Variants in KIF6 observed in about 807,000 individuals in gnomAD.
The protein encoded by KIF6 is kinesin-like protein KIF6.
KIF6 carries 106 observed loss-of-function variants against 112.7 expected under a neutral mutation model. The observed-to-expected ratio is 0.94, with a 90% CI of 0.80 to 1.11. The LOEUF (loss-of-function observed/expected upper bound fraction) is 1.11. Among genes scored for constraint, KIF6 ranks in the 50% least tolerant of loss-of-function variants. The pLI is 0.00. For synonymous variants in KIF6, 339 were observed against 339.9 expected (o/e 1.00, Z 0.03); for missense variants, 929 against 964.0 (o/e 0.96, Z 0.48).
At chr6:39,428,493 T>TC (rs1379201093) in intron 14 of KIF6, among the ~76,000 whole-genome samples, 1 of 152,210 alleles carries the variant, frequency 6.6e-6, no homozygotes, top group East Asian at 1.9e-4. Context: ...TGTGCATATG[T>TC]CCCCCTTTCT....
intron 3 of KIF6, among the ~76,000 whole-genome samples, chr6:39,651,487 A>T (rs553088580): frequency 6.6e-6 from 1 of 152,186 alleles, no homozygotes; most frequent in Non-Finnish European, 1.5e-5. Flanking sequence ...CGTTTCCCTA[A>T]CTCCTATAAT....
chr6:39,571,404 T>C (rs1001393777), intron 10 of KIF6, among the ~76,000 whole-genome samples: 2 of 152,198 alleles, frequency 1.3e-5, no homozygotes, highest in African/African-American at 4.8e-5. Context: ...CATAAATTCT[T>C]TCATGGTCAC....
intron 13 of KIF6, among the ~76,000 whole-genome samples, chr6:39,480,241 T>C (rs1258084467): frequency 6.6e-6 from 1 of 152,150 alleles, no homozygotes; most frequent in African/African-American, 2.4e-5. Context: ...TGCTGATTTT[T>C]CTAAGGGTTT....
intron 13 of KIF6, among the ~76,000 whole-genome samples, chr6:39,455,399 A>G (rs1222760813): frequency 2.0e-5 from 3 of 151,910 alleles, no homozygotes; most frequent in African/African-American, 7.2e-5. Context: ...CCAAAAGTAG[A>G]TAAAACCACA....
rs1762725015 is a variant in KIF6, at chr6:39,331,233, T to C, written c.*5299A>G. On this transcript the variant is annotated 3_prime_UTR_variant, in exon 23 of 23. Coordinates refer to ENST00000287152, the MANE Select transcript of KIF6 (RefSeq NM_145027.6). ...TCCAGGCTGGAGTGCAGTGGTGTGA[T>C]CACAGCTCACTGCAGCCTTAACCTC... is the stretch of plus-strand genomic sequence containing the variant. 2.0e-5 allele frequency: 3 copies of C among 152,396 alleles called. No individual in the cohort carries two copies. The highest frequency in any genetic ancestry group is 2.0e-4 in the Admixed American group (3 of 15,272). 9.4% of individuals were successfully genotyped at this position (152,396 alleles called of 1,614,324 possible).
intron 3 of KIF6, among the ~76,000 whole-genome samples, chr6:39,648,461 T>C (rs1785294241): frequency 6.6e-6 from 1 of 152,182 alleles, no homozygotes; most frequent in Non-Finnish European, 1.5e-5. Context: ...AAGAGAATCA[T>C]AATTATTGCA....
intron 6 of KIF6, among the ~76,000 whole-genome samples, chr6:39,611,233 G>A (rs1474805088): frequency 4.6e-5 from 7 of 152,100 alleles, no homozygotes; most frequent in South Asian, 4.1e-4. Context: ...GCTTGAACCC[G>A]GGAGATGGAG....
At chr6:39,439,742 C>T (rs369888710) in intron 13 of KIF6, among the ~76,000 whole-genome samples, 7 of 151,860 alleles carry the variant, frequency 4.6e-5, no homozygotes, top group African/African-American at 1.7e-4. Context: ...ATTTTGCTAA[C>T]GAATACAACT....
intron 1 of KIF6, among the ~76,000 whole-genome samples, chr6:39,723,934 A>G (rs951988053): frequency 6.6e-6 from 1 of 152,174 alleles, no homozygotes; most frequent in Non-Finnish European, 1.5e-5. Context: ...AAAAAAAATT[A>G]CAGCTATGCC....
chr6:39,564,346 T>G lies in KIF6; in HGVS notation c.1181+13710A>C, dbSNP rs112750528. ...ACACAGAGGGAACCACTGGGGAAAT[T>G]GGGTTTGAAGGATGGGAATGAGAAT... On this transcript the variant is annotated intron_variant, in intron 10 of 22. Coordinates refer to ENST00000287152, the MANE Select transcript of KIF6 (RefSeq NM_145027.6). Among the ~76,000 whole-genome samples the G allele has an allele frequency of 2.6e-3, 397 of 152,234 alleles. 1 individual carries two copies. Among genetic ancestry groups the G allele is most frequent in the African/African-American group, 8.3e-3 (346 of 41,552 alleles).
chr6:39,446,396 G>A (rs1772316233), intron 13 of KIF6, among the ~76,000 whole-genome samples: 1 of 152,196 alleles, frequency 6.6e-6, no homozygotes, highest in Admixed American at 6.5e-5. Flanking sequence ...TTAGCTCCAA[G>A]CTCACTGCCT....
chr6:39,586,250 A>T lies in KIF6; in HGVS notation c.990+11T>A. ...CTAGATTAAGATCTCCAGAAAGAAG[A>T]GCCCACATACATCAAGATTCCTTTT... On this transcript the variant is annotated intron_variant, in intron 8 of 22. Coordinates refer to ENST00000287152, the MANE Select transcript of KIF6 (RefSeq NM_145027.6). 1 of 1,613,884 alleles carries T rather than the reference A, an allele frequency of 6.2e-7. No homozygotes were observed. The highest frequency in any genetic ancestry group is 8.5e-7 in the Non-Finnish European group (1 of 1,179,890).
intron 15 of KIF6, among the ~76,000 whole-genome samples, chr6:39,408,709 T>C (rs1349838310): frequency 6.6e-6 from 1 of 152,158 alleles, no homozygotes; most frequent in Non-Finnish European, 1.5e-5. Context: ...TGAAAGTGGC[T>C]ACTCTCCTCT....
intron 13 of KIF6, among the ~76,000 whole-genome samples, chr6:39,480,226 T>G (rs761375239): frequency 6.6e-6 from 1 of 152,168 alleles, no homozygotes; most frequent in Non-Finnish European, 1.5e-5. Context: ...GGCATGTCCC[T>G]TGTATGCTGA....
chr6:39,668,466 A>C (rs1269931843), intron 3 of KIF6, among the ~76,000 whole-genome samples: 1 of 152,196 alleles, frequency 6.6e-6, no homozygotes, highest in African/African-American at 2.4e-5. Context: ...AAGAGCCCTT[A>C]GAAGTGTCTC....
chr6:39,386,916 A>G (rs763521163), intron 15 of KIF6, among the ~76,000 whole-genome samples: 5 of 152,322 alleles, frequency 3.3e-5, no homozygotes, highest in Middle Eastern at 3.4e-3. Flanking sequence ...TCCTTGTTTA[A>G]GATATTTCTT....
chr6:39,409,797 G>A (rs1562186935), intron 15 of KIF6, among the ~76,000 whole-genome samples: 1 of 152,164 alleles, frequency 6.6e-6, no homozygotes, highest in Admixed American at 6.5e-5. Flanking sequence ...GATTTCAACA[G>A]GGGGACTCAT....
At chr6:39,694,113 A>G (rs2113812869) in intron 3 of KIF6, among the ~76,000 whole-genome samples, 1 of 113,852 alleles carries the variant, frequency 8.8e-6, no homozygotes, top group East Asian at 3.5e-4. Context: ...AAAATCCAAC[A>G]TCCCTTCATG....
intron 13 of KIF6, among the ~76,000 whole-genome samples, chr6:39,488,155 C>T (rs1455385992): frequency 6.6e-6 from 1 of 152,194 alleles, no homozygotes; most frequent in South Asian, 2.1e-4. Flanking sequence ...TCTTGACCCA[C>T]CAATGAGTCG....
Sources: allele counts gnomAD v4.1 joint callset (sites outside exome capture counted in the v4.1 genomes callset), GRCh38; gene constraint gnomAD v4.1.1; transcripts MANE v1.5; gene names NCBI Gene and HGNC (gene_info 2026-07-23, HGNC 2026-07-21).